The following TMEM40 variants were observed in gnomAD, a reference collection of about 807,000 sequenced individuals.
TMEM40 encodes transmembrane protein 40.
A neutral mutation model predicts 40.8 loss-of-function variants in TMEM40; 34 were observed. That is an observed-to-expected ratio of 0.83 (90% CI 0.63 to 1.11). TMEM40 has a LOEUF of 1.11. Among genes scored for constraint, TMEM40 ranks in the 50% least tolerant of loss-of-function variants. The pLI is 0.00. For synonymous variants in TMEM40, 106 were observed against 107.0 expected, an observed-to-expected ratio of 0.99 and a Z score of 0.06; for missense variants, 296 against 280.2, an observed-to-expected ratio of 1.06 and a Z score of -0.40.
intron 11 of TMEM40, 97 bp from the exon 12 acceptor site, chr3:12,734,890 G>C: frequency 1.4e-6 from 2 of 1,411,950 alleles, no homozygotes; most frequent in Non-Finnish European, 2.0e-6. Flanking sequence ...CTCACAGCTG[G>C]CATGATGTAG....
upstream of TMEM40, among the ~76,000 whole-genome samples, chr3:12,763,037 G>A (rs184632732): frequency 1.5e-3 from 230 of 150,774 alleles, 1 homozygote; most frequent in South Asian, 0.016. Context: ...GCGGGCTCCC[G>A]TAGTCCCAGC....
At chr3:12,755,148 TTC>T (rs1575743532) in intron 1 of TMEM40, among the ~76,000 whole-genome samples, 1 of 149,804 alleles carries the variant, frequency 6.7e-6, no homozygotes, top group African/African-American at 2.5e-5. Context: ...TTCCTTCTCT[TTC>T]TTTCTTTCTC....
At chr3:12,735,646 T>G (rs2061332096) in intron 10 of TMEM40, 29 bp from the exon 11 acceptor site, 1 of 1,604,426 alleles carries the variant, frequency 6.2e-7, no homozygotes, top group Non-Finnish European at 8.5e-7. Flanking sequence ...AAAAGTAAGT[T>G]AAGTTTGTGC....
intron 3 of TMEM40, 111 bp downstream of exon 3, chr3:12,748,544 A>T (rs2061446654): frequency 1.4e-6 from 2 of 1,422,696 alleles, no homozygotes; most frequent in African/African-American, 2.8e-5. Context: ...GAGAATGTGG[A>T]GAAACGGTAT....
chr3:12,745,555 C>T lies in TMEM40; in HGVS notation c.212-1566G>A, dbSNP rs369634708. ...CCTTGACCTCCCAGGCTCAAGTGAT[C>T]TTCACGCCCCAGCCTCCTGGGTAGC... On this transcript the variant is annotated intron_variant, in intron 3 of 11. Transcript: ENST00000314124. 1.2e-4 allele frequency among the ~76,000 whole-genome samples: 18 copies of T among 152,248 alleles called. 2 individuals carry two copies. Among genetic ancestry groups the T allele is most frequent in the Admixed American group, 2.6e-4 (4 of 15,298 alleles).
intron 1 of TMEM40, among the ~76,000 whole-genome samples, chr3:12,765,939 C>G (rs2061592177): frequency 6.6e-6 from 1 of 152,102 alleles, no homozygotes; most frequent in Non-Finnish European, 1.5e-5. Context: ...TCACTGCAAC[C>G]TCCACCTCCC....
At chr3:12,742,366 A>G (rs2061390160) in intron 5 of TMEM40, 88 bp downstream of exon 5, 2 of 1,474,108 alleles carry the variant, frequency 1.4e-6, no homozygotes, top group African/African-American at 2.8e-5. Flanking sequence ...CAGCTCATGA[A>G]TCACCCTCAT....
At chr3:12,755,332 T>C (rs1035029504) in intron 1 of TMEM40, among the ~76,000 whole-genome samples, 1 of 150,732 alleles carries the variant, frequency 6.6e-6, no homozygotes. Context: ...CTCAAGTGCA[T>C]TGGAGCAATC....
chr3:12,743,871 A>C, intron 4 of TMEM40, 29 bp downstream of exon 4: 1 of 1,606,410 alleles, frequency 6.2e-7, no homozygotes, highest in Non-Finnish European at 8.5e-7. Flanking sequence ...CGAGTGGGCA[A>C]AAGAAAAATG....
chr3:12,742,601 C>G, intron 4 of TMEM40, 94 bp from the exon 5 acceptor site: 1 of 1,452,224 alleles, frequency 6.9e-7, no homozygotes, highest in South Asian at 1.2e-5. Flanking sequence ...AGAAGTACCA[C>G]AGTCCTTGTG....
upstream of TMEM40, among the ~76,000 whole-genome samples, chr3:12,764,066 C>A (rs899349427): frequency 6.6e-6 from 1 of 152,136 alleles, no homozygotes; most frequent in African/African-American, 2.4e-5. Flanking sequence ...CAGGCACCCA[C>A]CACACCTGGC....
intron 1 of TMEM40, among the ~76,000 whole-genome samples, chr3:12,755,241 T>G (rs373748748): frequency 1.2e-4 from 11 of 91,840 alleles, no homozygotes; most frequent in African/African-American, 6.4e-4. Flanking sequence ...CTCTCTTTCT[T>G]TCTTTCTTTC....
chr3:12,743,339 T>C (rs774934758), intron 4 of TMEM40, among the ~76,000 whole-genome samples: 1 of 152,114 alleles, frequency 6.6e-6, no homozygotes, highest in Non-Finnish European at 1.5e-5. Flanking sequence ...TGGTGGCGCA[T>C]GCCTGTAATC....
intron 1 of TMEM40, among the ~76,000 whole-genome samples, chr3:12,767,630 G>A (rs2061600135): frequency 6.6e-6 from 1 of 152,144 alleles, no homozygotes; most frequent in Admixed American, 6.5e-5. Context: ...CCATTCGCAG[G>A]GCAAAAGCAG....
chr3:12,742,767 G>A (rs977192240), intron 4 of TMEM40, among the ~76,000 whole-genome samples: 1 of 152,214 alleles, frequency 6.6e-6, no homozygotes, highest in South Asian at 2.1e-4. Context: ...TTAATAGTGG[G>A]TATATACTGG....
At chr3:12,749,734 C>T (rs1223227747) in intron 2 of TMEM40, 26 bp downstream of exon 2, 2 of 1,609,460 alleles carry the variant, frequency 1.2e-6, no homozygotes, top group Non-Finnish European at 1.7e-6. Context: ...TGGTTTTGCC[C>T]AGAGGGTCAG....
chr3:12,736,765 T>C lies in TMEM40; in HGVS notation c.543A>G (p.Ala181=). Residue 181 remains alanine, a splice_region_variant and synonymous_variant, in exon 9 of 12, where the codon GCA becomes GCG. Transcript: ENST00000314124. ...GALLVCYHYY[A]DWFMSLGVGL... is the part of the protein sequence containing the mutation. ...ATTCCCCAGGGCACCTCCCCTCACC[T>C]GCGTAATAGTGATAACACACCAGCA... 2 of 1,614,018 alleles carry C rather than the reference T, an allele frequency of 1.2e-6. No homozygotes were observed. The highest frequency in any genetic ancestry group is 2.2e-5 in the South Asian group (2 of 91,080).
At position 12,743,901 on chromosome 3, in the gene TMEM40, G is replaced by T. The variant is rs1240228265; in HGVS notation, c.300C>A (p.Pro100=). 1.2e-6 allele frequency: 2 copies of T among 1,613,038 alleles called. No homozygotes were observed. Among genetic ancestry groups the T allele is most frequent in the Non-Finnish European group, 1.7e-6 (2 of 1,179,648 alleles). ...GAGYPHGNGS[P]GPGHGEPDVL... ...AAAATGGTAAGGCCTATTTCCTACC[G>T]GGTGAGCCGTTCCCGTGGGGGTATC... Residue 100 remains proline (P), a splice_region_variant and synonymous_variant, in exon 4 of 12, where the codon CCC becomes CCA. Transcript: ENST00000314124.
intron 9 of TMEM40, 43 bp downstream of exon 9, chr3:12,736,721 C>T: frequency 6.2e-7 from 1 of 1,613,992 alleles, no homozygotes; most frequent in South Asian, 1.1e-5. Flanking sequence ...TGCACCACCC[C>T]ATGCCATCCC....
Sources: gnomAD v4.1 joint callset for allele counts (sites outside exome capture counted in the v4.1 genomes callset) on GRCh38, gnomAD v4.1.1 for gene constraint, MANE v1.5 for transcripts, NCBI Gene and HGNC (gene_info 2026-07-23, HGNC 2026-07-21) for gene names.